The following ERC2 variants were observed in gnomAD, a reference collection of about 807,000 sequenced individuals.
The protein encoded by ERC2 is ELKS/RAB6-interacting/CAST family member 2.
A neutral mutation model predicts 114.8 loss-of-function variants in ERC2; 42 were observed. The ratio of observed to expected loss-of-function variants is 0.37; its 90% confidence interval spans 0.29 to 0.47. ERC2 has a LOEUF of 0.47. Among genes scored for constraint, ERC2 ranks in the 20% least tolerant of loss-of-function variants. The pLI, the probability that ERC2 is intolerant of heterozygous loss-of-function variation, is 0.99. For missense variants in ERC2, 939 were observed against 1,150.7 expected, an observed-to-expected ratio of 0.82 and a Z score of 2.66; for synonymous variants, 454 against 425.5, an observed-to-expected ratio of 1.07 and a Z score of -0.82.
rs1051822588 is a variant in ERC2 at position 56,151,259 on chromosome 3, G to T, written c.1150-2127C>A. Among the ~76,000 whole-genome samples, 17 of 152,042 alleles carry T rather than the reference G, an allele frequency of 1.1e-4. No homozygotes were observed. The East Asian group carries it at 3.3e-3, about 29-fold the overall frequency. On this transcript the variant is annotated intron_variant, in intron 4 of 17. Coordinates refer to ENST00000288221, the MANE Select transcript of ERC2 (RefSeq NM_015576.3). ...TTCTTGTATTTTTAGTAGTGACGGG[G>T]TTTCACCATGTTGGCCAGGCTACTC...
chr3:55,955,553 T>C (rs1310113100), intron 12 of ERC2, among the ~76,000 whole-genome samples: 1 of 152,216 alleles, frequency 6.6e-6, no homozygotes, highest in Non-Finnish European at 1.5e-5. Flanking sequence ...TTATTATTCA[T>C]ATTGTTGTTT....
intron 1 of ERC2, among the ~76,000 whole-genome samples, chr3:56,451,797 T>G (rs774533890): frequency 1.3e-5 from 2 of 152,188 alleles, no homozygotes; most frequent in Non-Finnish European, 2.9e-5. Context: ...TCTGACATGA[T>G]AGAGGTCCAA....
At chr3:55,705,168 G>T (rs1024638559) in intron 15 of ERC2, among the ~76,000 whole-genome samples, 3 of 152,116 alleles carry the variant, frequency 2.0e-5, no homozygotes, top group African/African-American at 7.2e-5. Context: ...AGAAGGGTAT[G>T]GTTTAAATGG....
At chr3:56,298,701 G>A (rs79801093) in intron 2 of ERC2, among the ~76,000 whole-genome samples, 1 of 146,688 alleles carries the variant, frequency 6.8e-6, no homozygotes, top group East Asian at 2.1e-4. Context: ...TTGCTGGGGG[G>A]TGTGGAGTAA....
At chr3:55,566,297 C>T (rs994684079) in intron 17 of ERC2, among the ~76,000 whole-genome samples, 2 of 152,160 alleles carry the variant, frequency 1.3e-5, no homozygotes, top group Non-Finnish European at 2.9e-5. Context: ...GTACTAAGTG[C>T]CAGGTACTAT....
intron 14 of ERC2, among the ~76,000 whole-genome samples, chr3:55,776,943 C>G (rs981048404): frequency 6.6e-6 from 1 of 152,116 alleles, no homozygotes; most frequent in East Asian, 1.9e-4. Flanking sequence ...GGAAAAAACA[C>G]GGGAGACATC....
At chr3:55,906,748 A>G (rs1328972061) in intron 13 of ERC2, among the ~76,000 whole-genome samples, 3 of 152,152 alleles carry the variant, frequency 2.0e-5, no homozygotes, top group African/African-American at 7.2e-5. Context: ...ATTTTGCAGG[A>G]GACTTATCTT....
chr3:55,897,327 T>TTTTTCCC (rs2063891538), intron 13 of ERC2, among the ~76,000 whole-genome samples: 1 of 152,230 alleles, frequency 6.6e-6, no homozygotes, highest in Non-Finnish European at 1.5e-5. Context: ...ATAAAGCTAT[T>TTTTTCCC]TTTTCCCTTA....
chr3:56,060,002 A>C (rs985405057), intron 7 of ERC2, among the ~76,000 whole-genome samples: 1 of 152,216 alleles, frequency 6.6e-6, no homozygotes, highest in African/African-American at 2.4e-5. Context: ...TTCTCTATCC[A>C]GTTCTAACAT....
chr3:56,329,177 T>C (rs933516561), intron 2 of ERC2, among the ~76,000 whole-genome samples: 10 of 152,228 alleles, frequency 6.6e-5, no homozygotes, highest in African/African-American at 2.4e-4. Flanking sequence ...ATACTTCAGA[T>C]GTTTAAAAGA....
rs915638619 is a variant in ERC2 at position 56,166,044 on chromosome 3, A to T, written c.1149+7402T>A. Among the ~76,000 whole-genome samples, 6 of 152,124 alleles carry T rather than the reference A, an allele frequency of 3.9e-5. No individual in the cohort carries two copies. In the South Asian group the frequency reaches 1.2e-3, roughly 32 times the overall value. Reference sequence around the variant, plus strand: ...CTATAGCTTTCTTGTAACTATTCTTATTAGATTAAGAAAATCCTCTACTTC... The same window carrying T: ...CTATAGCTTTCTTGTAACTATTCTTTTTAGATTAAGAAAATCCTCTACTTC... On this transcript the variant is annotated intron_variant, in intron 4 of 17. Transcript: ENST00000288221.
intron 14 of ERC2, among the ~76,000 whole-genome samples, chr3:55,854,551 A>G (rs2061709565): frequency 6.6e-6 from 1 of 152,132 alleles, no homozygotes; most frequent in South Asian, 2.1e-4. Flanking sequence ...ACACCAGGAC[A>G]TGGGCCCTCA....
At chr3:55,630,953 T>C (rs1176107642) in intron 17 of ERC2, among the ~76,000 whole-genome samples, 1 of 141,516 alleles carries the variant, frequency 7.1e-6, no homozygotes, top group East Asian at 2.4e-4. Flanking sequence ...ATGATCAGTT[T>C]GGAAAAAAAA....
intron 17 of ERC2, among the ~76,000 whole-genome samples, chr3:55,578,455 CCTCAGAAAGGCCTTTA>C (rs1234442508): frequency 1.3e-5 from 2 of 152,186 alleles, no homozygotes; most frequent in African/African-American, 4.8e-5. Context: ...TCACCTGTCT[CCTCAGAAAGGCCTTTA>C]CTCAGCGTTT....
chr3:55,955,474 A>G (rs2067891378), intron 12 of ERC2, among the ~76,000 whole-genome samples: 1 of 152,176 alleles, frequency 6.6e-6, no homozygotes, highest in African/African-American at 2.4e-5. Flanking sequence ...TGAACTTTAT[A>G]TACATGGAAT....
At chr3:56,114,888 T>C (rs983854132) in intron 6 of ERC2, among the ~76,000 whole-genome samples, 4 of 152,234 alleles carry the variant, frequency 2.6e-5, no homozygotes, top group Admixed American at 6.5e-5. Context: ...CCTTCCTTGC[T>C]TGGGGACCAG....
intron 14 of ERC2, among the ~76,000 whole-genome samples, chr3:55,839,721 G>C (rs1185108198): frequency 3.3e-5 from 5 of 151,746 alleles, no homozygotes; most frequent in Non-Finnish European, 7.4e-5. Flanking sequence ...CCAAGATAAA[G>C]GTGAATCAAT....
In ERC2 at chr3:55,778,337, TG is replaced by T. The variant is rs759701775; in HGVS notation, c.2565-43420del. Reference sequence around the variant, plus strand: ...TGGCACTTTTATACCACATTCAGAGTGGTGTGGTAAGAAAACAGAGGAAGGA... The same window carrying T: ...TGGCACTTTTATACCACATTCAGAGTGTGTGGTAAGAAAACAGAGGAAGGA... On this transcript the variant is annotated intron_variant, in intron 14 of 17. Coordinates refer to ENST00000288221, the MANE Select transcript of ERC2 (RefSeq NM_015576.3). 8.3e-4 allele frequency among the ~76,000 whole-genome samples: 126 copies of T among 152,036 alleles called. 1 individual carries two copies. Among genetic ancestry groups the T allele is most frequent in the Non-Finnish European group, 4.9e-4 (33 of 67,998 alleles).
intron 2 of ERC2, among the ~76,000 whole-genome samples, chr3:56,396,271 T>C (rs530096018): frequency 1.6e-4 from 25 of 152,282 alleles, no homozygotes; most frequent in African/African-American, 5.8e-4. Context: ...CCAGATGTAA[T>C]AATAAAAGAT....
Sources: gnomAD v4.1 joint callset for allele counts (sites outside exome capture counted in the v4.1 genomes callset) on GRCh38, gnomAD v4.1.1 for gene constraint, MANE v1.5 for transcripts, NCBI Gene and HGNC (gene_info 2026-07-23, HGNC 2026-07-21) for gene names.